Variants in C12orf42 observed in about 807,000 individuals in gnomAD.
The protein encoded by C12orf42 is uncharacterized protein C12orf42.
C12orf42 carries 25 observed loss-of-function variants against 21.6 expected under a neutral mutation model. The ratio of observed to expected loss-of-function variants is 1.16; its 90% CI spans 0.84 to 1.62. The LOEUF is 1.62. Ranked by LOEUF, C12orf42 falls within the 40% of genes most tolerant of loss-of-function variation. C12orf42 has a pLI of 0.00. For missense variants in C12orf42, 483 were observed against 459.3 expected, an observed-to-expected ratio of 1.05 and a Z score of -0.47; for synonymous variants, 174 against 175.0, an observed-to-expected ratio of 0.99 and a Z score of 0.05.
the C12orf42 span, chr12:103,504,133 G>C: frequency 2.6e-5 from 4 of 152,536 alleles, no homozygotes; most frequent in Middle Eastern, 3.1e-3. Context: ...CAGGCTCATA[G>C]AGCCCAACTG....
Position 103,302,081 on chromosome 12 carries a change from A to T in C12orf42, c.*27T>A. The T allele has an allele frequency of 1.3e-6, 2 of 1,592,756 alleles. No individual in the cohort carries two copies. The highest frequency in any genetic ancestry group is 2.3e-5 in the South Asian group (2 of 86,442). On this transcript the variant is annotated 3_prime_UTR_variant, in exon 6 of 6. Transcript: ENST00000548883. ...AGGCATTGATTTGAAGATGGGCAGC[A>T]CTCGCCGAACAATTCCCTCGCAGCG... is the stretch of plus-strand genomic sequence containing the variant.
Position 103,418,806 on chromosome 12 carries a change from AT to A in C12orf42, c.79-17132del, listed in dbSNP as rs369341793. Among the ~76,000 whole-genome samples, 336 of 149,766 alleles carry A rather than the reference AT, an allele frequency of 2.2e-3. 1 individual carries two copies. The highest frequency in any genetic ancestry group is 8.0e-3 in the African/African-American group (325 of 40,514). ...CTTTTAAAACTATTTTAGGAAGCTC[AT>A]TTTCTGTATGTAACATTCCGTTAAA... On this transcript the variant is annotated intron_variant, in intron 2 of 5. Coordinates refer to ENST00000548883, the MANE Select transcript of C12orf42 (RefSeq NM_198521.5).
chr12:103,470,659 G>A (rs958399547), intron 2 of C12orf42, among the ~76,000 whole-genome samples: 1 of 152,178 alleles, frequency 6.6e-6, no homozygotes, highest in African/African-American at 2.4e-5. Context: ...GAGTCTAGGT[G>A]ATAAAAGGCA....
At chr12:103,519,306 T>C in the C12orf42 span, among the ~76,000 whole-genome samples, 1 of 152,076 alleles carries the variant, frequency 6.6e-6, no homozygotes, top group Non-Finnish European at 1.5e-5. Context: ...GAAGAATATA[T>C]TAGTCATGTG....
At chr12:103,190,145 T>G in the C12orf42 span, among the ~76,000 whole-genome samples, 2 of 152,042 alleles carry the variant, frequency 1.3e-5, no homozygotes, top group African/African-American at 4.8e-5. Flanking sequence ...GAGAAGCAGA[T>G]AGTGCAGACC....
chr12:103,403,219 CAA>C (rs375049380), intron 2 of C12orf42, among the ~76,000 whole-genome samples: 1 of 151,712 alleles, frequency 6.6e-6, no homozygotes, highest in East Asian at 1.9e-4. Context: ...ACTAAAAATA[CAA>C]AAAAATTAGC....
At position 103,491,777 on chromosome 12, in the gene C12orf42, A is replaced by C. The variant is rs956774812; in HGVS notation, c.-22+4125T>G. On this transcript the variant is annotated intron_variant, in intron 1 of 5. Transcript: ENST00000548883. ...AAACTCAAGCCTCATTTCTCACTTT[A>C]ATCTTTATCATGGAGCCCTTTACTC... Among the ~76,000 whole-genome samples the C allele has an allele frequency of 1.3e-4, 20 of 152,298 alleles. No homozygotes were observed. In the East Asian group the frequency reaches 3.1e-3, roughly 24 times the overall value.
the C12orf42 span, among the ~76,000 whole-genome samples, chr12:103,145,888 A>G: frequency 6.6e-6 from 1 of 152,250 alleles, no homozygotes; most frequent in African/African-American, 2.4e-5. Flanking sequence ...TATGTAAAGT[A>G]TGGTGACCTT....
At chr12:103,173,937 T>C in the C12orf42 span, among the ~76,000 whole-genome samples, 5 of 152,138 alleles carry the variant, frequency 3.3e-5, no homozygotes, top group Non-Finnish European at 5.9e-5. Context: ...CTTATCTGCA[T>C]TCCTAAACAT....
Position 103,478,337 on chromosome 12 carries a change from C to T in C12orf42, c.78+12G>A. The T allele has an allele frequency of 6.4e-7, 1 of 1,567,292 alleles. No homozygotes were observed. The highest frequency in any genetic ancestry group is 8.7e-7 in the Non-Finnish European group (1 of 1,146,278). On this transcript the variant is annotated intron_variant, in intron 2 of 5. Transcript: ENST00000548883. The stretch of plus-strand genomic sequence containing the variant: ...AAAAAAGTAAGAAAATATAGTATCT[C>T]TTATGCATTACCTGCATCCTGTTTG...
At chr12:103,260,780 C>T (rs1386406576) in intron 10 of C12orf42, among the ~76,000 whole-genome samples, 25 of 152,124 alleles carry the variant, frequency 1.6e-4, no homozygotes, top group Admixed American at 1.6e-3. Context: ...ATCCAGAAAC[C>T]ATTTCCAAGA....
At position 103,438,003 on chromosome 12, in the gene C12orf42, C is replaced by T. The variant is rs200469303; in HGVS notation, c.79-36328G>A. ...CCTGATGAGCATCGATGCAAAAATCCTCAATAAAATACTGGCAAACCGAAT... is the reference window on the plus strand; with the variant it reads ...CCTGATGAGCATCGATGCAAAAATCTTCAATAAAATACTGGCAAACCGAAT... On this transcript the variant is annotated intron_variant, in intron 2 of 5. Coordinates refer to ENST00000548883, the MANE Select transcript of C12orf42 (RefSeq NM_198521.5). Among the ~76,000 whole-genome samples the T allele has an allele frequency of 0.012, 1,759 of 150,638 alleles. 181 individuals are homozygous for T. The East Asian group carries it at 0.25, about 21-fold the overall frequency.
the C12orf42 span, among the ~76,000 whole-genome samples, chr12:103,219,977 C>A: frequency 1.3e-5 from 2 of 152,270 alleles, no homozygotes; most frequent in South Asian, 4.2e-4. Flanking sequence ...TTTATTGCAG[C>A]ACTATTTACA....
At chr12:103,466,650 AC>A (rs1162746767) in intron 2 of C12orf42, among the ~76,000 whole-genome samples, 2 of 152,042 alleles carry the variant, frequency 1.3e-5, no homozygotes, top group Non-Finnish European at 2.9e-5. Context: ...TTAAAACATT[AC>A]CCCATGTGGT....
At chr12:103,090,251 G>A in the C12orf42 span, among the ~76,000 whole-genome samples, 9 of 152,268 alleles carry the variant, frequency 5.9e-5, no homozygotes, top group East Asian at 3.9e-4. Flanking sequence ...TGGAGGAAAC[G>A]TTTCTGGCGA....
Position 103,302,334 on chromosome 12 carries a change from G to A in C12orf42, c.857C>T (p.Pro286Leu). ...GTCCCGCGGGGTATGAGGATGCTTGGGGAGCATCTCCGGCGCCATGGCAAC... is the reference window on the plus strand; with the variant it reads ...GTCCCGCGGGGTATGAGGATGCTTGAGGAGCATCTCCGGCGCCATGGCAAC... ...GAVAMAPEML[P>L]KHPHTPRDRR... Residue 286 changes from proline to leucine, a missense_variant, in exon 6 of 6, where the codon CCC becomes CTC. Pro to Leu is a moderately conservative substitution (Grantham distance 98, BLOSUM62 -3). Transcript: ENST00000548883. The A allele has an allele frequency of 6.2e-7, 1 of 1,614,008 alleles. No homozygotes were observed. Among genetic ancestry groups the A allele is most frequent in the Non-Finnish European group, 8.5e-7 (1 of 1,179,898 alleles).
chr12:103,465,569 T>C (rs1267187270), intron 2 of C12orf42, among the ~76,000 whole-genome samples: 1 of 152,198 alleles, frequency 6.6e-6, no homozygotes, highest in Non-Finnish European at 1.5e-5. Context: ...ACTTCCTCTT[T>C]CCCTATTTGA....
intron 4 of C12orf42, among the ~76,000 whole-genome samples, chr12:103,279,808 T>C (rs375531825): frequency 2.6e-4 from 39 of 152,280 alleles, no homozygotes; most frequent in African/African-American, 8.9e-4. Flanking sequence ...TGTTGAAAGA[T>C]GGGACACCAT....
chr12:103,314,177 G>C (rs2039239250), intron 4 of C12orf42, among the ~76,000 whole-genome samples: 1 of 152,128 alleles, frequency 6.6e-6, no homozygotes, highest in African/African-American at 2.4e-5. Context: ...TGGATGGAGG[G>C]AAAGGGCAGG....
Sources: gnomAD v4.1 joint callset for allele counts (sites outside exome capture counted in the v4.1 genomes callset) on GRCh38, gnomAD v4.1.1 for gene constraint, MANE v1.5 for transcripts, NCBI Gene and HGNC (gene_info 2026-07-23, HGNC 2026-07-21) for gene names.